The following STAB2 variants were observed in gnomAD, a reference collection of about 807,000 sequenced individuals.
STAB2 encodes stabilin-2.
In STAB2, 288 loss-of-function variants were observed where a neutral mutation model predicts 338.1. The ratio of observed to expected loss-of-function variants is 0.85; its 90% CI spans 0.77 to 0.94. The LOEUF (loss-of-function observed/expected upper bound fraction) is 0.94. Ranked by LOEUF, STAB2 falls within the 40% of genes least tolerant of loss-of-function variation. The pLI, the probability that STAB2 is intolerant of heterozygous loss-of-function variation, is 0.00. For missense variants in STAB2, 3,141 were observed against 3,210.1 expected, an observed-to-expected ratio of 0.98 and a Z score of 0.52; for synonymous variants, 1,202 against 1,193.3, an observed-to-expected ratio of 1.01 and a Z score of -0.15.
At chr12:103,701,210 T>C (rs905431953) in intron 34 of STAB2, among the ~76,000 whole-genome samples, 4 of 151,508 alleles carry the variant, frequency 2.6e-5, no homozygotes, top group Non-Finnish European at 4.4e-5. Flanking sequence ...TGCATAGTAT[T>C]CCATGGTGTA....
At chr12:103,648,669 G>A (rs1381741299) in intron 9 of STAB2, 21 bp from the exon 10 acceptor site, 15 of 1,610,920 alleles carry the variant, frequency 9.3e-6, no homozygotes, top group Non-Finnish European at 1.2e-5. Flanking sequence ...CCCTGAGGAT[G>A]TCTTTTCCCC....
rs1166110630 is a variant in STAB2, at chr12:103,755,363, C to A, written c.6776C>A (p.Ala2259Asp). ...ACCGGGCGGGTTGCCTACCCCACAG[C>A]CTTCGCCTCCCAGAACTGTGGCTCT... ...LETGRVAYPT[A>D]FASQNCGSGV... The change falls in exon 62 of 69, where the codon GCC becomes GAC. Residue 2259 changes from alanine to aspartate, a missense_variant. Ala to Asp is a moderately radical substitution (Grantham distance 126). Transcript: ENST00000388887. 4 of 1,614,154 alleles carry A rather than the reference C, an allele frequency of 2.5e-6. No homozygotes were observed. Among genetic ancestry groups the A allele is most frequent in the East Asian group, 2.2e-5 (1 of 44,874 alleles).
Position 103,759,165 on chromosome 12 carries a change from C to G in STAB2, c.7140C>G (p.Leu2380=), listed in dbSNP as rs2271638. ...TLSGRDIEHH[L]ANVSMFFYND... ...CTGGGCGGGACATCGAGCACCACCT[C>G]GCCAATGTCAGCATGTTTTTCTACA... is the stretch of plus-strand genomic sequence containing the variant. The change falls in exon 65 of 69, where the codon CTC becomes CTG. Residue 2380 remains leucine (L), a synonymous_variant. Coordinates refer to ENST00000388887, the MANE Select transcript of STAB2 (RefSeq NM_017564.10). 3.7e-6 allele frequency: 6 copies of G among 1,614,058 alleles called. No individual in the cohort carries two copies. Among genetic ancestry groups the G allele is most frequent in the African/African-American group, 1.3e-5 (1 of 74,908 alleles).
At chr12:103,695,316 A>G (rs927036030) in intron 31 of STAB2, among the ~76,000 whole-genome samples, 3 of 152,236 alleles carry the variant, frequency 2.0e-5, no homozygotes, top group African/African-American at 7.2e-5. Context: ...TTCTCTAATC[A>G]AGGAGGTTTA....
intron 3 of STAB2, among the ~76,000 whole-genome samples, chr12:103,618,744 A>G (rs1957250214): frequency 6.6e-6 from 1 of 152,194 alleles, no homozygotes; most frequent in South Asian, 2.1e-4. Flanking sequence ...ATGGCTAAAA[A>G]TAAGATTTAA....
intron 5 of STAB2, among the ~76,000 whole-genome samples, chr12:103,625,687 A>G (rs1028431182): frequency 6.6e-6 from 1 of 152,092 alleles, no homozygotes; most frequent in African/African-American, 2.4e-5. Context: ...AAGGACATGA[A>G]CTCATCATTT....
chr12:103,610,136 G>T (rs1173728257), intron 3 of STAB2, among the ~76,000 whole-genome samples: 1 of 151,804 alleles, frequency 6.6e-6, no homozygotes, highest in East Asian at 1.9e-4. Flanking sequence ...AGGGATATTG[G>T]TCTAAAATTA....
Position 103,742,439 on chromosome 12 carries a change from C to G in STAB2, c.5916C>G (p.Asn1972Lys). ...GAGGACCAGATGCCCCGTGTAATAACCGGGGTGTCTGCCTTGATCAGTACT... is the reference window on the plus strand; with the variant it reads ...GAGGACCAGATGCCCCGTGTAATAAGCGGGGTGTCTGCCTTGATCAGTACT... The part of the protein sequence containing the change: ...CPGGPDAPCN[N>K]RGVCLDQYSA... Residue 1972 changes from asparagine (N) to lysine (K), a missense_variant, in exon 56 of 69, where the codon AAC becomes AAG. Asn to Lys is a moderately conservative substitution (Grantham distance 94). Transcript: ENST00000388887. 1 of 1,614,128 alleles carries G rather than the reference C, an allele frequency of 6.2e-7. No homozygotes were observed. The highest frequency in any genetic ancestry group is 8.5e-7 in the Non-Finnish European group (1 of 1,180,014).
intron 55 of STAB2, among the ~76,000 whole-genome samples, chr12:103,741,741 C>T (rs1023839904): frequency 1.4e-4 from 21 of 152,312 alleles, no homozygotes; most frequent in Middle Eastern, 3.4e-3. Flanking sequence ...AGGCGTGAGC[C>T]GCCGTGCCTG....
chr12:103,682,294 C>G (rs1354772292), intron 25 of STAB2, among the ~76,000 whole-genome samples: 1 of 151,384 alleles, frequency 6.6e-6, no homozygotes, highest in Non-Finnish European at 1.5e-5. Context: ...TCTGATGCTC[C>G]CATCAGCCCT....
At chr12:103,660,574 C>T (rs1874523082) in intron 16 of STAB2, 109 bp from the exon 17 acceptor site, 12 of 1,365,036 alleles carry the variant, frequency 8.8e-6, no homozygotes, top group Non-Finnish European at 1.2e-5. Flanking sequence ...TCAAAACTCC[C>T]TTTACTTATT....
chr12:103,707,120 A>C (rs1382957021), intron 38 of STAB2, 133 bp downstream of exon 38: 2 of 868,322 alleles, frequency 2.3e-6, no homozygotes, highest in Non-Finnish European at 3.5e-6. Context: ...ACCTGCTACT[A>C]TCACTGTGAA....
At chr12:103,667,856 CATT>C (rs1875308103) in intron 19 of STAB2, among the ~76,000 whole-genome samples, 1 of 152,184 alleles carries the variant, frequency 6.6e-6, no homozygotes, top group South Asian at 2.1e-4. Context: ...TTGAAATCAG[CATT>C]ATTGTCTCAT....
At chr12:103,753,453 C>T in intron 61 of STAB2, 100 bp downstream of exon 61, 1 of 1,513,666 alleles carries the variant, frequency 6.6e-7, no homozygotes, top group Non-Finnish European at 9.1e-7. Flanking sequence ...TGCCTTCAAG[C>T]AAGGGAGTGC....
chr12:103,764,757 A>G lies in STAB2; in HGVS notation c.7605+1149A>G, dbSNP rs1884794358. On this transcript the variant is annotated intron_variant, in intron 68 of 68. Transcript: ENST00000388887. The stretch of plus-strand genomic sequence containing the variant: ...CTGAAAAATAACCAGATTGCAAATC[A>G]TATTTTTTTAATCAAACCCATGTAA... Among the ~76,000 whole-genome samples the G allele has an allele frequency of 3.3e-5, 5 of 152,224 alleles. No individual in the cohort carries two copies. In the South Asian group the frequency reaches 6.2e-4, roughly 19 times the overall value.
chr12:103,673,929 A>G lies in STAB2; in HGVS notation c.2394A>G (p.Thr798=), dbSNP rs1340361364. 3 of 1,613,252 alleles carry G rather than the reference A, an allele frequency of 1.9e-6. No homozygotes were observed. In the Admixed American group the frequency reaches 5.0e-5, roughly 27 times the overall value. Residue 798 remains threonine, a synonymous_variant, in exon 23 of 69, where the codon ACA becomes ACG. Coordinates refer to ENST00000388887, the MANE Select transcript of STAB2 (RefSeq NM_017564.10). ...CAGAATGCCTGTGCGTTCACGGAAC[A>G]TGCAATAACAGGATAGACAGCGATG... ...CNKKCLCVHG[T]CNNRIDSDGA... is the part of the protein sequence containing the mutation.
At chr12:103,714,224 C>T (rs1419132208) in intron 42 of STAB2, among the ~76,000 whole-genome samples, 1 of 152,050 alleles carries the variant, frequency 6.6e-6, no homozygotes, top group African/African-American at 2.4e-5. Flanking sequence ...ATCAAAGTAA[C>T]TCTCCCTGAA....
In STAB2 at chr12:103,732,988, T is replaced by C. The variant is rs1222166215; in HGVS notation, c.5284-18T>C. On this transcript the variant is annotated intron_variant, in intron 50 of 68. Transcript: ENST00000388887. Reference sequence around the variant, plus strand: ...GGCCTTGCTCAAGCCAGCAAGGGGCTGAATCCCTGTGTTTCAGGACTCAGG... The same window carrying C: ...GGCCTTGCTCAAGCCAGCAAGGGGCCGAATCCCTGTGTTTCAGGACTCAGG... The C allele has an allele frequency of 1.9e-6, 3 of 1,612,018 alleles. No homozygotes were observed. The highest frequency in any genetic ancestry group is 1.3e-5 in the African/African-American group (1 of 74,832).
intron 55 of STAB2, 30 bp from the exon 56 acceptor site, chr12:103,742,375 G>A: frequency 6.2e-7 from 1 of 1,611,514 alleles, no homozygotes; most frequent in Non-Finnish European, 8.5e-7. Context: ...TTGGGAGACT[G>A]TTGAGTCACT....
Sources: allele counts gnomAD v4.1 joint callset (sites outside exome capture counted in the v4.1 genomes callset), GRCh38; gene constraint gnomAD v4.1.1; transcripts MANE v1.5; gene names NCBI Gene and HGNC (gene_info 2026-07-23, HGNC 2026-07-21).